The following DPY19L1 variants were observed in gnomAD, a reference collection of about 807,000 sequenced individuals.
DPY19L1 encodes dpy-19 like C-mannosyltransferase 1.
A neutral mutation model predicts 96.9 loss-of-function variants in DPY19L1; 35 were observed. The ratio of observed to expected loss-of-function variants is 0.36; its 90% CI spans 0.28 to 0.48. The LOEUF (loss-of-function observed/expected upper bound fraction) is 0.48. Ranked by LOEUF, DPY19L1 falls within the 20% of genes least tolerant of loss-of-function variation. DPY19L1 has a pLI of 0.99. For synonymous variants in DPY19L1, 205 were observed against 252.6 expected (o/e 0.81, Z 1.79); for missense variants, 521 against 777.9 (o/e 0.67, Z 3.93).
chr7:35,031,311 A>G (rs1324815370), intron 1 of DPY19L1, among the ~76,000 whole-genome samples: 1 of 152,232 alleles, frequency 6.6e-6, no homozygotes, highest in Non-Finnish European at 1.5e-5. Flanking sequence ...TTTACATTCT[A>G]TTAGGTATTC....
chr7:35,009,712 C>A (rs1785653537), intron 6 of DPY19L1, among the ~76,000 whole-genome samples: 1 of 152,038 alleles, frequency 6.6e-6, no homozygotes, highest in African/African-American at 2.4e-5. Flanking sequence ...TAGAAAGACC[C>A]AAATGCTCTA....
intron 1 of DPY19L1, among the ~76,000 whole-genome samples, chr7:35,027,649 G>T (rs915679650): frequency 1.1e-5 from 1 of 94,062 alleles, no homozygotes; most frequent in African/African-American, 3.3e-5. Context: ...CGGCCAACAT[G>T]GCAAAACCCC....
At chr7:34,982,807 T>TG (rs774461387) in intron 7 of DPY19L1, among the ~76,000 whole-genome samples, 7 of 152,184 alleles carry the variant, frequency 4.6e-5, no homozygotes, top group Non-Finnish European at 8.8e-5. Context: ...CACATGAATC[T>TG]GGCAGATAAA....
chr7:34,973,549 A>G lies in DPY19L1; in HGVS notation c.879T>C (p.Leu293=). 1.3e-6 allele frequency: 2 copies of G among 1,543,220 alleles called. No individual in the cohort carries two copies. Among genetic ancestry groups the G allele is most frequent in the South Asian group, 1.3e-5 (1 of 75,710 alleles). ...GAGTCACTAGCAACATCTGAAGAAC[A>G]AGAAATGGATATGAGAAGCTTTCAC... ...PLRESFSYPF[L]VLQMLLVTHI... The change falls in exon 8 of 22, where the codon CTT becomes CTC. Residue 293 remains leucine (L), a synonymous_variant. Coordinates refer to ENST00000638088, the MANE Select transcript of DPY19L1 (RefSeq NM_001366673.1).
intron 6 of DPY19L1, among the ~76,000 whole-genome samples, chr7:35,004,844 C>T (rs1785515047): frequency 6.6e-6 from 1 of 152,142 alleles, no homozygotes; most frequent in Non-Finnish European, 1.5e-5. Flanking sequence ...TCCAAGTAGG[C>T]AGCAGTGACT....
At chr7:35,002,109 G>T (rs1224695264) in intron 6 of DPY19L1, among the ~76,000 whole-genome samples, 1 of 137,996 alleles carries the variant, frequency 7.2e-6, no homozygotes, top group Non-Finnish European at 1.5e-5. Flanking sequence ...CCTGGTAACA[G>T]AGCGAGACTC....
At chr7:34,971,544 T>G (rs1784724558) in intron 8 of DPY19L1, among the ~76,000 whole-genome samples, 1 of 152,148 alleles carries the variant, frequency 6.6e-6, no homozygotes, top group Non-Finnish European at 1.5e-5. Context: ...CTGATGCAGC[T>G]TCAGATGGCC....
At chr7:34,987,408 C>T (rs1337940662) in intron 7 of DPY19L1, among the ~76,000 whole-genome samples, 1 of 151,974 alleles carries the variant, frequency 6.6e-6, no homozygotes, top group Admixed American at 6.6e-5. Flanking sequence ...ATCTATTAAG[C>T]TATTCATGCT....
chr7:34,952,100 G>A (rs1434508131), intron 13 of DPY19L1, among the ~76,000 whole-genome samples: 2 of 130,406 alleles, frequency 1.5e-5, no homozygotes. Context: ...TAAGTTGCCA[G>A]AAAGTAGGAA....
At chr7:35,033,602 C>T (rs993569396) in intron 1 of DPY19L1, among the ~76,000 whole-genome samples, 1 of 152,066 alleles carries the variant, frequency 6.6e-6, no homozygotes, top group Non-Finnish European at 1.5e-5. Flanking sequence ...TGTAGAACAG[C>T]TCGAATGCAG....
intron 7 of DPY19L1, among the ~76,000 whole-genome samples, chr7:34,973,905 C>T (rs328891): frequency 0.26 from 38,782 of 152,004 alleles, 5,230 homozygotes; most frequent in Non-Finnish European, 0.31. Flanking sequence ...AGCAAGAAAA[C>T]GTTCTGCCAA....
At chr7:34,963,217 A>AT (rs1491034344) in intron 10 of DPY19L1, among the ~76,000 whole-genome samples, 1 of 147,974 alleles carries the variant, frequency 6.8e-6, no homozygotes, top group East Asian at 2.0e-4. Flanking sequence ...AAAAAAAAAA[A>AT]ATTTGCTATA....
chr7:34,965,945 C>A (rs1051455222), intron 10 of DPY19L1, among the ~76,000 whole-genome samples: 12 of 152,132 alleles, frequency 7.9e-5, no homozygotes, highest in African/African-American at 2.4e-4. Context: ...GCCCTGACCA[C>A]CTCATTTGAT....
chr7:34,967,767 A>G (rs1240893126), intron 9 of DPY19L1, among the ~76,000 whole-genome samples: 7 of 152,206 alleles, frequency 4.6e-5, no homozygotes, highest in Non-Finnish European at 7.3e-5. Flanking sequence ...ATACTTAAAC[A>G]TATAACTTAA....
chr7:34,975,049 C>T (rs185691225), intron 7 of DPY19L1, among the ~76,000 whole-genome samples: 8 of 152,132 alleles, frequency 5.3e-5, no homozygotes, highest in African/African-American at 1.2e-4. Context: ...TCCCTCCCAT[C>T]GGGCCTCCAA....
chr7:35,035,923 G>T (rs1562834684), intron 1 of DPY19L1, among the ~76,000 whole-genome samples: 1 of 151,774 alleles, frequency 6.6e-6, no homozygotes. Context: ...AAAAGGGGGC[G>T]GGGGGAAATG....
At chr7:35,000,911 A>C (rs1311529911) in intron 6 of DPY19L1, among the ~76,000 whole-genome samples, 1 of 152,246 alleles carries the variant, frequency 6.6e-6, no homozygotes, top group Non-Finnish European at 1.5e-5. Context: ...CTAAAGCTGC[A>C]GACAATTTAA....
intron 4 of DPY19L1, 75 bp downstream of exon 4, chr7:35,013,493 T>C: frequency 2.6e-6 from 3 of 1,145,904 alleles, no homozygotes; most frequent in Non-Finnish European, 3.8e-6. Context: ...AATTATATCT[T>C]AGATTTAGAA....
intron 6 of DPY19L1, among the ~76,000 whole-genome samples, chr7:35,006,712 C>T (rs1185414616): frequency 1.3e-5 from 2 of 152,174 alleles, no homozygotes; most frequent in Non-Finnish European, 2.9e-5. Flanking sequence ...GTTTGCAAAA[C>T]AGATCTCACT....
Sources: allele counts gnomAD v4.1 joint callset (sites outside exome capture counted in the v4.1 genomes callset), GRCh38; gene constraint gnomAD v4.1.1; transcripts MANE v1.5; gene names NCBI Gene and HGNC (gene_info 2026-07-23, HGNC 2026-07-21).